The following TFCP2 variants were observed in gnomAD, a reference collection of about 807,000 sequenced individuals.
TFCP2 encodes the protein alpha-globin transcription factor CP2.
A neutral mutation model predicts 73.4 loss-of-function variants in TFCP2; 33 were observed. The ratio of observed to expected loss-of-function variants is 0.45; its 90% CI spans 0.34 to 0.60. The LOEUF is 0.60. Among genes scored for constraint, TFCP2 ranks in the 20% least tolerant of loss-of-function variants. The pLI is 0.01. For synonymous variants in TFCP2, 193 were observed against 211.6 expected (o/e 0.91, Z 0.76); for missense variants, 352 against 604.0 (o/e 0.58, Z 4.37).
chr12:51,124,647 G>C (rs766494506), intron 1 of TFCP2: 1 of 570,868 alleles, frequency 1.8e-6, no homozygotes, highest in African/African-American at 1.9e-5. Context: ...GAGAGCCTCC[G>C]CGGCTTCCAA....
chr12:51,132,437 C>T (rs1348419423), intron 1 of TFCP2, among the ~76,000 whole-genome samples: 2 of 127,898 alleles, frequency 1.6e-5, no homozygotes, highest in African/African-American at 5.7e-5. Context: ...GGTGCCATCT[C>T]GGCTCACTGG....
At chr12:51,129,028 C>T (rs1940879569) in intron 1 of TFCP2, among the ~76,000 whole-genome samples, 1 of 151,982 alleles carries the variant, frequency 6.6e-6, no homozygotes, top group Non-Finnish European at 1.5e-5. Context: ...TGGCACAGGA[C>T]AGTGAGAAAC....
At chr12:51,141,775 G>A (rs1400264245) in intron 1 of TFCP2, among the ~76,000 whole-genome samples, 6 of 151,284 alleles carry the variant, frequency 4.0e-5, no homozygotes, top group Non-Finnish European at 7.4e-5. Flanking sequence ...GCATGGTGGC[G>A]CACGCCTGTA....
At chr12:51,167,833 G>A (rs1417173308) in intron 1 of TFCP2, among the ~76,000 whole-genome samples, 1 of 152,102 alleles carries the variant, frequency 6.6e-6, no homozygotes, top group Admixed American at 6.6e-5. Flanking sequence ...GGCCAAGGTG[G>A]GAGGATCTCT....
chr12:51,100,987 T>G (rs1050933949), intron 11 of TFCP2, among the ~76,000 whole-genome samples: 2 of 152,210 alleles, frequency 1.3e-5, no homozygotes, highest in Non-Finnish European at 2.9e-5. Flanking sequence ...ACTATGTATT[T>G]TAACAATTGC....
intron 4 of TFCP2, among the ~76,000 whole-genome samples, chr12:51,111,952 T>C (rs1313865524): frequency 6.6e-6 from 1 of 151,572 alleles, no homozygotes; most frequent in Non-Finnish European, 1.5e-5. Context: ...AAGTCAAGAG[T>C]TCAAGACCAG....
chr12:51,107,454 T>C lies in TFCP2; in HGVS notation c.718-108A>G, dbSNP rs144751357. 1,282 of 827,272 alleles carry C rather than the reference T, an allele frequency of 1.5e-3. 5 individuals carry two copies. Among genetic ancestry groups the C allele is most frequent in the Middle Eastern group, 3.2e-3 (14 of 4,444 alleles). 51.2% of individuals were successfully genotyped at this position (827,272 alleles called of 1,614,324 possible). ...GTATGAAACAAAATTGTATGTGCAG[T>C]GATGTAAAGGCAAGACACATCACTT... On this transcript the variant is annotated intron_variant, in intron 6 of 14. Transcript: ENST00000257915.
chr12:51,106,900 T>C, intron 7 of TFCP2: 1 of 492,900 alleles, frequency 2.0e-6, no homozygotes, highest in Non-Finnish European at 3.7e-6. Context: ...CAGCTCTTCC[T>C]AAAATTGAAG....
At chr12:51,113,902 C>A (rs1282942070) in intron 4 of TFCP2, among the ~76,000 whole-genome samples, 1 of 152,042 alleles carries the variant, frequency 6.6e-6, no homozygotes, top group African/African-American at 2.4e-5. Flanking sequence ...TACCATACAA[C>A]CTTTTTTGTA....
chr12:51,156,058 A>G (rs2956430), intron 1 of TFCP2, among the ~76,000 whole-genome samples: 1 of 3,000 alleles, frequency 3.3e-4, no homozygotes. Context: ...AAAAAAAAAA[A>G]AAAAAAAAAA....
At chr12:51,166,737 C>A (rs1026168600) in intron 1 of TFCP2, among the ~76,000 whole-genome samples, 1 of 152,148 alleles carries the variant, frequency 6.6e-6, no homozygotes, top group African/African-American at 2.4e-5. Flanking sequence ...TGCGTCCTAC[C>A]CCACAAATAC....
chr12:51,164,885 A>C (rs963367764), intron 1 of TFCP2, among the ~76,000 whole-genome samples: 1 of 152,168 alleles, frequency 6.6e-6, no homozygotes, highest in Non-Finnish European at 1.5e-5. Context: ...GATAAACAAA[A>C]ACCTCCCAAC....
At chr12:51,140,765 A>T (rs896486796) in intron 1 of TFCP2, among the ~76,000 whole-genome samples, 2 of 151,642 alleles carry the variant, frequency 1.3e-5, no homozygotes, top group African/African-American at 4.8e-5. Flanking sequence ...TCTAATTTTT[A>T]AATTTTTTGG....
At chr12:51,168,072 A>T (rs1317225507) in intron 1 of TFCP2, among the ~76,000 whole-genome samples, 1 of 138,642 alleles carries the variant, frequency 7.2e-6, no homozygotes, top group African/African-American at 2.7e-5. Flanking sequence ...CAAAAACATA[A>T]ATAATAAGAC....
intron 1 of TFCP2, among the ~76,000 whole-genome samples, chr12:51,160,605 C>T (rs1359406747): frequency 6.6e-6 from 1 of 152,054 alleles, no homozygotes; most frequent in Non-Finnish European, 1.5e-5. Context: ...TCAACTAAAT[C>T]GGTGCTGAAA....
intron 12 of TFCP2, among the ~76,000 whole-genome samples, chr12:51,099,392 C>T (rs548139739): frequency 6.6e-6 from 1 of 151,586 alleles, no homozygotes; most frequent in African/African-American, 2.4e-5. Flanking sequence ...GGGAGAGAAT[C>T]ACTTGAGCCC....
At chr12:51,165,664 T>G (rs912856624) in intron 1 of TFCP2, among the ~76,000 whole-genome samples, 1 of 152,174 alleles carries the variant, frequency 6.6e-6, no homozygotes, top group Admixed American at 6.6e-5. Context: ...GAAAAAGTTC[T>G]GAAGACAGAT....
Position 51,159,597 on chromosome 12 carries a change from C to T in TFCP2, c.122+12704G>A, listed in dbSNP as rs189646102. ...CCTCCCAAAGCGCTGGGATTGCAGG[C>T]GTGAGCCACCGTGCCTGGCCAGAAG... On this transcript the variant is annotated intron_variant, in intron 1 of 14. Coordinates refer to ENST00000257915, the MANE Select transcript of TFCP2 (RefSeq NM_005653.5). Among the ~76,000 whole-genome samples the T allele has an allele frequency of 3.2e-3, 491 of 152,064 alleles. 1 individual carries two copies. Among genetic ancestry groups the T allele is most frequent in the African/African-American group, 0.011 (465 of 41,476 alleles).
intron 1 of TFCP2, among the ~76,000 whole-genome samples, chr12:51,121,599 G>A (rs777624996): frequency 6.6e-6 from 1 of 150,976 alleles, no homozygotes; most frequent in Non-Finnish European, 1.5e-5. Context: ...CCAAGTAGCT[G>A]GGACTACATG....
Sources: gnomAD v4.1 joint callset for allele counts (sites outside exome capture counted in the v4.1 genomes callset) on GRCh38, gnomAD v4.1.1 for gene constraint, MANE v1.5 for transcripts, NCBI Gene and HGNC (gene_info 2026-07-23, HGNC 2026-07-21) for gene names.